BICRAL: variants seen among roughly 807,000 people sequenced by gnomAD.
BICRAL encodes BRD4-interacting chromatin-remodeling complex-associated protein-like.
Under a neutral mutation model 91.8 loss-of-function variants are expected in BICRAL, and 8 were observed. The observed-to-expected ratio is 0.09, with a 90% confidence interval of 0.05 to 0.16. The LOEUF (loss-of-function observed/expected upper bound fraction) is 0.16, where lower values mean the gene tolerates loss of function less well. Among genes scored for constraint, BICRAL ranks in the 10% least tolerant of loss-of-function variants. The pLI is 1.00. For missense variants in BICRAL, 1,038 were observed against 1,310.9 expected (o/e 0.79, Z 3.21); for synonymous variants, 445 against 491.1 (o/e 0.91, Z 1.24).
intron 6 of BICRAL, among the ~76,000 whole-genome samples, chr6:42,843,455 C>T (rs1764872588): frequency 6.6e-6 from 1 of 152,026 alleles, no homozygotes; most frequent in African/African-American, 2.4e-5. Context: ...ATGATAAGAG[C>T]CAGTGTTGTA....
intron 2 of BICRAL, among the ~76,000 whole-genome samples, chr6:42,821,724 C>T (rs980611419): frequency 3.3e-5 from 5 of 152,026 alleles, no homozygotes; most frequent in Admixed American, 1.3e-4. Flanking sequence ...GTTTATAGCC[C>T]CTTGGGGGAA....
At chr6:42,810,802 T>G (rs1324491531) in intron 2 of BICRAL, among the ~76,000 whole-genome samples, 2 of 152,348 alleles carry the variant, frequency 1.3e-5, no homozygotes, top group East Asian at 3.9e-4. Context: ...TGAATATTCT[T>G]TATGCCCATT....
At chr6:42,783,135 T>TTCCCGC (rs369949134) in intron 1 of BICRAL, among the ~76,000 whole-genome samples, 18,990 of 150,728 alleles carry the variant, frequency 0.13, 1,257 homozygotes, top group Middle Eastern at 0.15. Flanking sequence ...CCCGGCCCCG[T>TTCCCGC]TCCCGCTCCC....
chr6:42,781,596 G>GGTGTGTGTGTGTGTGTGTGTGT (rs61437847), upstream of BICRAL, among the ~76,000 whole-genome samples: 1 of 103,478 alleles, frequency 9.7e-6, no homozygotes, highest in Non-Finnish European at 1.9e-5. Context: ...TGGGTGGGTG[G>GGTGTGTGTGTGTGTGTGTGTGT]GTGTGTGTGT....
At chr6:42,820,560 C>T (rs1262682551) in intron 2 of BICRAL, among the ~76,000 whole-genome samples, 2 of 152,102 alleles carry the variant, frequency 1.3e-5, no homozygotes, top group East Asian at 3.8e-4. Context: ...CCTGCTTTTC[C>T]TTTCTGTCCC....
rs755377670 is a variant in BICRAL at position 42,822,077 on chromosome 6, T to C, written c.41+14T>C. Reference sequence around the variant, plus strand: ...TGATCTTATTGGGTAAGATGCTTATTCCAAAACCTGGGTAAATCAAATGTG... The same window carrying C: ...TGATCTTATTGGGTAAGATGCTTATCCCAAAACCTGGGTAAATCAAATGTG... On this transcript the variant is annotated intron_variant, in intron 3 of 12. Transcript: ENST00000314073. 10 of 1,574,924 alleles carry C rather than the reference T, an allele frequency of 6.3e-6. No homozygotes were observed. The Admixed American group carries it at 1.7e-4, about 26-fold the overall frequency.
intron 2 of BICRAL, among the ~76,000 whole-genome samples, chr6:42,811,236 A>G (rs1763834346): frequency 6.6e-6 from 1 of 152,246 alleles, no homozygotes; most frequent in Admixed American, 6.5e-5. Context: ...CTTACTGTCA[A>G]GAGTGTTTCC....
intron 1 of BICRAL, among the ~76,000 whole-genome samples, chr6:42,753,555 T>G (rs1226712769): frequency 6.6e-6 from 1 of 152,056 alleles, no homozygotes; most frequent in Admixed American, 6.6e-5. Context: ...AAAACACAGG[T>G]GCAAGGAGTA....
chr6:42,843,488 C>T (rs1293811239), intron 6 of BICRAL, among the ~76,000 whole-genome samples: 1 of 152,150 alleles, frequency 6.6e-6, no homozygotes, highest in East Asian at 1.9e-4. Flanking sequence ...AGTAGACCTA[C>T]ACTAGCAGTA....
intron 1 of BICRAL, among the ~76,000 whole-genome samples, chr6:42,788,222 CTTTTT>C (rs11304715): frequency 1.8e-5 from 2 of 113,352 alleles, no homozygotes; most frequent in East Asian, 2.6e-4. Flanking sequence ...GAGCAGCATT[CTTTTT>C]TTTTTTTTTT....
chr6:42,861,731 G>T (rs896123971), intron 11 of BICRAL, among the ~76,000 whole-genome samples: 8 of 152,144 alleles, frequency 5.3e-5, no homozygotes, highest in African/African-American at 1.9e-4. Context: ...AGGCACAGTG[G>T]CTCACGCCTG....
rs1765202974 is a variant in BICRAL at position 42,852,164 on chromosome 6, C to G, written c.1912C>G (p.Gln638Glu). 1 of 1,613,114 alleles carries G rather than the reference C, an allele frequency of 6.2e-7. No homozygotes were observed. The highest frequency in any genetic ancestry group is 1.7e-5 in the Admixed American group (1 of 59,976). The change falls in exon 7 of 13, where the codon CAG (glutamine) becomes GAG (glutamate). Residue 638 changes from glutamine to glutamate, a missense_variant. Physicochemically the swap from Gln to Glu is conservative, Grantham distance 29 (BLOSUM62 2). This residue lies in a region of BICRAL where 532 missense variants were observed against 724.9 expected (regional missense o/e 0.73). Coordinates refer to ENST00000314073, the MANE Select transcript of BICRAL (RefSeq NM_001393499.1). ...GACCACAGACGGCCTGAGGCAAGCA[C>G]AGATCCCTGGGCTCTTGAGCACCAC... is the stretch of plus-strand genomic sequence containing the variant. ...PKTTDGLRQA[Q>E]IPGLLSTTLP...
chr6:42,836,448 A>G (rs892639300), intron 6 of BICRAL, among the ~76,000 whole-genome samples: 6 of 152,066 alleles, frequency 3.9e-5, no homozygotes, highest in South Asian at 4.1e-4. Flanking sequence ...CAGGTGTTCA[A>G]GTGTGTTTCC....
chr6:42,864,932 T>C lies in BICRAL; in HGVS notation c.2726T>C (p.Val909Ala). 6.2e-7 allele frequency: 1 copy of C among 1,614,066 alleles called. No homozygotes were observed. Among genetic ancestry groups the C allele is most frequent in the Non-Finnish European group, 8.5e-7 (1 of 1,180,020 alleles). ...CLGRALKFDK[V>A]GLVQYQSTSE... ...GGCAGAGCACTGAAATTTGACAAAG[T>C]GGGCTTAGTGCAGTACCAGAGCACG... The change falls in exon 13 of 13, where the codon GTG becomes GCG. Residue 909 changes from valine (V) to alanine (A), a missense_variant. Around this residue, in one of 5 missense-constraint regions of BICRAL, gnomAD observed 294 missense variants for 292.6 expected, o/e 1.00. Transcript: ENST00000314073.
rs1010470367 is a variant in BICRAL at position 42,868,076 on chromosome 6, T to C, written c.*2630T>C. ...CAGTAACAAAAATCATTTTCTTTTT[T>C]TTTTTTTTTTTCTGTTGTGGAAAAG... On this transcript the variant is annotated 3_prime_UTR_variant, in exon 13 of 13. Coordinates refer to ENST00000314073, the MANE Select transcript of BICRAL (RefSeq NM_001393499.1). 2 of 152,236 alleles carry C rather than the reference T, an allele frequency of 1.3e-5. No individual in the cohort carries two copies. Among genetic ancestry groups the C allele is most frequent in the East Asian group, 3.8e-4 (2 of 5,206 alleles). The allele number at this position is 152,236 out of a possible 1,614,324, so 9.4% of individuals were successfully genotyped here.
rs572681847 is a variant in BICRAL, at chr6:42,770,941, CA to C, written c.-260-10895del. On this transcript the variant is annotated intron_variant, in intron 1 of 14. Transcript: ENST00000614467. ...AAGTGATCCGCCTGCCTCGGCCTTA[CA>C]AAGTGCTGGGATTACAGGCGTGAGC... 2.7e-3 allele frequency among the ~76,000 whole-genome samples: 415 copies of C among 152,286 alleles called. 3 individuals carry two copies. The highest frequency in any genetic ancestry group is 9.3e-3 in the South Asian group (45 of 4,820).
chr6:42,806,231 C>G (rs1763701991), intron 1 of BICRAL, among the ~76,000 whole-genome samples: 1 of 152,172 alleles, frequency 6.6e-6, no homozygotes, highest in Non-Finnish European at 1.5e-5. Flanking sequence ...GCAGGTCCCA[C>G]CTGACTCCAC....
At chr6:42,846,391 T>TTAAA (rs71547817) in intron 6 of BICRAL, among the ~76,000 whole-genome samples, 6,155 of 150,962 alleles carry the variant, frequency 0.041, 188 homozygotes, top group East Asian at 0.13. Flanking sequence ...AAACAATAAG[T>TTAAA]TAAATAAATA....
rs575711244 is a variant in BICRAL, at chr6:42,791,114, A to G, written c.-102+9013A>G. 3.9e-5 allele frequency among the ~76,000 whole-genome samples: 6 copies of G among 152,064 alleles called. No homozygotes were observed. The South Asian group carries it at 1.2e-3, about 32-fold the overall frequency. ...ATGCTGTGTGGGAAGGTGGAGGATG[A>G]AAGAGGACCTGGGAGCAGCAACTTT... On this transcript the variant is annotated intron_variant, in intron 1 of 12. Coordinates refer to ENST00000314073, the MANE Select transcript of BICRAL (RefSeq NM_001393499.1).
Sources: gnomAD v4.1 joint callset for allele counts (sites outside exome capture counted in the v4.1 genomes callset) on GRCh38, gnomAD v4.1.1 for gene constraint, gnomAD v4.1.1 regional missense constraint, MANE v1.5 for transcripts, NCBI Gene and HGNC (gene_info 2026-07-23, HGNC 2026-07-21) for gene names.